Variants in DCBLD2 observed in about 807,000 individuals in gnomAD.
DCBLD2 encodes the protein discoidin, CUB and LCCL domain-containing protein 2.
In DCBLD2, 54 loss-of-function variants were observed where a neutral mutation model predicts 86.8. The ratio of observed to expected loss-of-function variants is 0.62; its 90% CI spans 0.50 to 0.78. DCBLD2 has a LOEUF of 0.78. Ranked by LOEUF, DCBLD2 falls within the 30% of genes least tolerant of loss-of-function variation. The pLI is 0.00. For synonymous variants in DCBLD2, 354 were observed against 341.3 expected (o/e 1.04, Z -0.41); for missense variants, 908 against 954.2 (o/e 0.95, Z 0.64).
At chr3:98,805,299 TA>T (rs762843297) in intron 13 of DCBLD2, among the ~76,000 whole-genome samples, 12 of 151,034 alleles carry the variant, frequency 7.9e-5, no homozygotes, top group South Asian at 2.1e-4. Flanking sequence ...GGAAAAGAAA[TA>T]AAAAAAAATA....
At chr3:98,808,502 T>C (rs942370469) in intron 12 of DCBLD2, among the ~76,000 whole-genome samples, 2 of 152,200 alleles carry the variant, frequency 1.3e-5, no homozygotes, top group Admixed American at 6.5e-5. Context: ...ATAATTATTA[T>C]ATTGTAGGGC....
At chr3:98,886,316 T>C (rs986601006) in intron 1 of DCBLD2, among the ~76,000 whole-genome samples, 22 of 152,090 alleles carry the variant, frequency 1.4e-4, no homozygotes, top group African/African-American at 4.6e-4. Flanking sequence ...ACAGTAATCA[T>C]CTGTGACTGC....
At chr3:98,841,935 T>C (rs1490164704) in intron 3 of DCBLD2, among the ~76,000 whole-genome samples, 4 of 151,974 alleles carry the variant, frequency 2.6e-5, no homozygotes, top group Non-Finnish European at 4.4e-5. Flanking sequence ...CATGGTGGCG[T>C]GTGCCTGTAG....
chr3:98,801,711 C>T (rs1941723312), intron 13 of DCBLD2, 62 bp from the exon 14 acceptor site: 6 of 1,311,414 alleles, frequency 4.6e-6, no homozygotes, highest in South Asian at 2.7e-5. Context: ...CCTGCTCCCC[C>T]TACCCCATGA....
chr3:98,895,437 T>A (rs1017522918), intron 1 of DCBLD2: 20 of 152,178 alleles, frequency 1.3e-4, no homozygotes, highest in African/African-American at 4.6e-4. Flanking sequence ...ATGACCAGAA[T>A]GAGTTTTGCT....
chr3:98,872,974 A>C (rs1478853886), intron 2 of DCBLD2, among the ~76,000 whole-genome samples: 3 of 152,140 alleles, frequency 2.0e-5, no homozygotes, highest in East Asian at 1.9e-4. Flanking sequence ...AAGACACCCA[A>C]AACAAAGTGA....
chr3:98,836,910 CGGGCGGGGGGCT>C, intron 3 of DCBLD2, among the ~76,000 whole-genome samples: 1 of 76,842 alleles, frequency 1.3e-5, no homozygotes, highest in Non-Finnish European at 2.8e-5. Flanking sequence ...GGCGGCTGGC[CGGGCGGGGGGCT>C]GACCCCCCCA....
At chr3:98,867,330 T>A (rs896173953) in intron 2 of DCBLD2, among the ~76,000 whole-genome samples, 8 of 152,234 alleles carry the variant, frequency 5.3e-5, no homozygotes, top group Admixed American at 5.2e-4. Context: ...TGATTCTTCC[T>A]ATCCATGAGC....
intron 2 of DCBLD2, among the ~76,000 whole-genome samples, chr3:98,864,739 G>A (rs144960203): frequency 1.3e-5 from 2 of 152,114 alleles, no homozygotes; most frequent in East Asian, 3.8e-4. Flanking sequence ...AGCATTAGGA[G>A]ATATACCTAA....
In DCBLD2 at chr3:98,799,240, C is replaced by G; in HGVS notation, c.*132G>C. 1 of 964,010 alleles carries G rather than the reference C, an allele frequency of 1.0e-6. No homozygotes were observed. The highest frequency in any genetic ancestry group is 1.7e-5 in the South Asian group (1 of 57,298). 59.7% of individuals were successfully genotyped at this position (964,010 alleles called of 1,614,324 possible). ...TGGCAAGATTAGTAGTTTCCTGTACCTCAGTCACCACATTTTCCCCAACCA... is the reference window on the plus strand; with the variant it reads ...TGGCAAGATTAGTAGTTTCCTGTACGTCAGTCACCACATTTTCCCCAACCA... On this transcript the variant is annotated 3_prime_UTR_variant, in exon 16 of 16. Coordinates refer to ENST00000326840, the MANE Select transcript of DCBLD2 (RefSeq NM_080927.4).
chr3:98,811,930 C>T lies in DCBLD2; in HGVS notation c.1364-376G>A, dbSNP rs113968539. 1.4e-3 allele frequency among the ~76,000 whole-genome samples: 207 copies of T among 152,106 alleles called. 2 individuals are homozygous for T. The East Asian group carries it at 0.017, about 12-fold the overall frequency. Reference sequence around the variant, plus strand: ...GTCAGGCACTGTGGTAGCCTTTGGGCGTACAAAAGTAAACAGTATATTAAA... The same window carrying T: ...GTCAGGCACTGTGGTAGCCTTTGGGTGTACAAAAGTAAACAGTATATTAAA... On this transcript the variant is annotated intron_variant, in intron 10 of 15. Transcript: ENST00000326840.
intron 2 of DCBLD2, among the ~76,000 whole-genome samples, chr3:98,876,646 C>G (rs748621658): frequency 6.6e-6 from 1 of 152,104 alleles, no homozygotes; most frequent in Non-Finnish European, 1.5e-5. Flanking sequence ...TTAGCAATGT[C>G]TAACAAAGTA....
intron 5 of DCBLD2, 136 bp downstream of exon 5, chr3:98,822,533 T>G: frequency 5.7e-6 from 7 of 1,236,920 alleles, no homozygotes; most frequent in Non-Finnish European, 7.7e-6. Flanking sequence ...AGAAAAAGAA[T>G]AAAACACATA....
chr3:98,887,350 T>A (rs1236233725), intron 1 of DCBLD2, among the ~76,000 whole-genome samples: 1 of 152,016 alleles, frequency 6.6e-6, no homozygotes, highest in Non-Finnish European at 1.5e-5. Flanking sequence ...AACTAACGTA[T>A]CTGATTTCAT....
At chr3:98,801,448 T>C in intron 14 of DCBLD2, 152 bp downstream of exon 14, 1 of 505,526 alleles carries the variant, frequency 2.0e-6, no homozygotes, top group Non-Finnish European at 3.5e-6. Flanking sequence ...TGCAGAAGGG[T>C]AAAAATGGTG....
chr3:98,822,960 T>C (rs1333339257), intron 4 of DCBLD2, among the ~76,000 whole-genome samples: 1 of 152,158 alleles, frequency 6.6e-6, no homozygotes, highest in African/African-American at 2.4e-5. Context: ...GCAACATCTG[T>C]CTCCTGGGTC....
intron 2 of DCBLD2, among the ~76,000 whole-genome samples, chr3:98,875,251 C>CT (rs58400369): frequency 0.43 from 65,381 of 151,876 alleles, 14,228 homozygotes; most frequent in Non-Finnish European, 0.46. Flanking sequence ...GAAATACAAT[C>CT]TCACATAATT....
intron 3 of DCBLD2, among the ~76,000 whole-genome samples, chr3:98,843,425 T>G (rs1370965891): frequency 6.6e-6 from 1 of 152,160 alleles, no homozygotes; most frequent in Non-Finnish European, 1.5e-5. Context: ...TCTATAAAAT[T>G]ACTGTACGGT....
At chr3:98,828,524 A>G (rs10428160) in intron 3 of DCBLD2, among the ~76,000 whole-genome samples, 8,110 of 152,272 alleles carry the variant, frequency 0.053, 280 homozygotes, top group Non-Finnish European at 0.071. Context: ...CCATACACTC[A>G]CTAGGATGGC....
Sources: allele counts gnomAD v4.1 joint callset (sites outside exome capture counted in the v4.1 genomes callset), GRCh38; gene constraint gnomAD v4.1.1; transcripts MANE v1.5; gene names NCBI Gene and HGNC (gene_info 2026-07-23, HGNC 2026-07-21).